The following EXOC6B variants were observed in gnomAD, a reference collection of about 807,000 sequenced individuals.
EXOC6B encodes the protein exocyst complex component 6B, also known as SEC15 homolog B.
In EXOC6B, 54 loss-of-function variants were observed where a neutral mutation model predicts 113.5. The observed-to-expected ratio is 0.48, with a 90% CI of 0.38 to 0.60. The LOEUF is 0.60. Among genes scored for constraint, EXOC6B ranks in the 20% least tolerant of loss-of-function variants. EXOC6B has a pLI of 0.00. For synonymous variants in EXOC6B, 357 were observed against 339.0 expected (o/e 1.05, Z -0.58); for missense variants, 797 against 977.5 (o/e 0.82, Z 2.46).
intron 18 of EXOC6B, chr2:72,461,940 T>C (rs1697711855): frequency 6.6e-6 from 1 of 152,100 alleles, no homozygotes; most frequent in Non-Finnish European, 1.5e-5. Flanking sequence ...AGTTACAAAT[T>C]ATGTTCATGT....
rs1324140634 is a variant in EXOC6B, at chr2:72,179,094, AAC to A, written c.*239_*240del. The A allele has an allele frequency of 6.6e-6, 3 of 453,362 alleles. No individual in the cohort carries two copies. The highest frequency in any genetic ancestry group is 3.9e-5 in the Admixed American group (1 of 25,412). 28.1% of individuals were successfully genotyped at this position (453,362 alleles called of 1,614,324 possible). A position where few individuals can be genotyped will look rare whatever the true frequency, so the allele number is the denominator to read the frequency against. ...TTGATGATACCACCATCTCTAAGATAACACAGATAGTGTAGTAATAACTTCCC... is the reference window on the plus strand; with the variant it reads ...TTGATGATACCACCATCTCTAAGATAACAGATAGTGTAGTAATAACTTCCC... On this transcript the variant is annotated 3_prime_UTR_variant, in exon 22 of 22. Coordinates refer to ENST00000272427, the MANE Select transcript of EXOC6B (RefSeq NM_015189.3).
intron 6 of EXOC6B, among the ~76,000 whole-genome samples, chr2:72,679,261 T>C (rs1470342067): frequency 6.6e-6 from 1 of 151,994 alleles, no homozygotes; most frequent in East Asian, 1.9e-4. Context: ...AAAGACAGGG[T>C]TTCACCATGT....
At chr2:72,212,275 C>A (rs545522417) in intron 20 of EXOC6B, among the ~76,000 whole-genome samples, 5 of 152,274 alleles carry the variant, frequency 3.3e-5, no homozygotes, top group Non-Finnish European at 7.3e-5. Context: ...TGATTCAGCT[C>A]TTAATTCACT....
chr2:72,593,296 AGGAG>A (rs1282028231), intron 6 of EXOC6B, among the ~76,000 whole-genome samples: 3 of 152,112 alleles, frequency 2.0e-5, no homozygotes, highest in Non-Finnish European at 4.4e-5. Flanking sequence ...ATAAAACCTG[AGGAG>A]GGAGTCATCA....
chr2:72,362,888 G>A (rs1199143946), intron 19 of EXOC6B, among the ~76,000 whole-genome samples: 1 of 152,100 alleles, frequency 6.6e-6, no homozygotes, highest in Non-Finnish European at 1.5e-5. Flanking sequence ...CTGAATTAAT[G>A]CTGGTAACAA....
intron 5 of EXOC6B, among the ~76,000 whole-genome samples, chr2:72,727,949 T>C (rs1394430014): frequency 6.6e-6 from 1 of 152,042 alleles, no homozygotes; most frequent in African/African-American, 2.4e-5. Context: ...AGGAAGTAGA[T>C]GAGAGAAAAC....
intron 20 of EXOC6B, among the ~76,000 whole-genome samples, chr2:72,276,795 A>G (rs1008431403): frequency 6.6e-6 from 1 of 152,174 alleles, no homozygotes; most frequent in African/African-American, 2.4e-5. Flanking sequence ...ATCCAATAAC[A>G]TATTTTATTC....
intron 18 of EXOC6B, among the ~76,000 whole-genome samples, chr2:72,447,009 C>T (rs1228852811): frequency 8.6e-5 from 13 of 151,732 alleles, no homozygotes; most frequent in African/African-American, 3.1e-4. Flanking sequence ...GAGGCTGAGG[C>T]AGGAGAATCG....
At chr2:72,672,796 G>T (rs1204490420) in intron 6 of EXOC6B, among the ~76,000 whole-genome samples, 1 of 152,148 alleles carries the variant, frequency 6.6e-6, no homozygotes, top group Non-Finnish European at 1.5e-5. Flanking sequence ...GGTTACCAGA[G>T]GCTGGGATAG....
intron 2 of EXOC6B, among the ~76,000 whole-genome samples, chr2:72,738,462 A>C (rs975256519): frequency 6.6e-6 from 1 of 152,196 alleles, no homozygotes; most frequent in African/African-American, 2.4e-5. Flanking sequence ...ATGGATTTCA[A>C]CTTATCATTT....
intron 19 of EXOC6B, among the ~76,000 whole-genome samples, chr2:72,347,379 GTGTT>G (rs1689400217): frequency 6.6e-6 from 1 of 152,070 alleles, no homozygotes; most frequent in African/African-American, 2.4e-5. Flanking sequence ...TTTTATCCAT[GTGTT>G]TGTTTGGCAC....
intron 6 of EXOC6B, among the ~76,000 whole-genome samples, chr2:72,692,898 T>C (rs764601795): frequency 6.6e-6 from 1 of 152,224 alleles, no homozygotes; most frequent in Non-Finnish European, 1.5e-5. Flanking sequence ...ACTAATATCC[T>C]CTGGGCAAGT....
At chr2:72,821,815 C>T (rs1358113705) in intron 1 of EXOC6B, among the ~76,000 whole-genome samples, 1 of 152,018 alleles carries the variant, frequency 6.6e-6, no homozygotes, top group Non-Finnish European at 1.5e-5. Context: ...AATGGAGAGA[C>T]CACTAATGGG....
At chr2:72,639,032 G>A (rs1369903043) in intron 6 of EXOC6B, among the ~76,000 whole-genome samples, 1 of 152,166 alleles carries the variant, frequency 6.6e-6, no homozygotes, top group East Asian at 1.9e-4. Flanking sequence ...AGCTTGAGTA[G>A]GGCAGCCCCT....
chr2:72,713,589 C>T (rs1041325735), intron 6 of EXOC6B, among the ~76,000 whole-genome samples: 2 of 151,890 alleles, frequency 1.3e-5, no homozygotes, highest in Non-Finnish European at 2.9e-5. Flanking sequence ...CCCGTCCCCC[C>T]ACCCCACAAC....
chr2:72,226,111 G>T (rs1681221781), intron 20 of EXOC6B, among the ~76,000 whole-genome samples: 1 of 152,030 alleles, frequency 6.6e-6, no homozygotes, highest in African/African-American at 2.4e-5. Context: ...CCATTTGCTG[G>T]AAAAAGAGGG....
At chr2:72,473,142 G>C (rs1488079499) in intron 17 of EXOC6B, among the ~76,000 whole-genome samples, 2 of 152,114 alleles carry the variant, frequency 1.3e-5, no homozygotes, top group African/African-American at 4.8e-5. Flanking sequence ...TGAGAAGAAT[G>C]TGTATTCTGT....
At chr2:72,638,556 T>C (rs993119781) in intron 6 of EXOC6B, among the ~76,000 whole-genome samples, 4 of 152,110 alleles carry the variant, frequency 2.6e-5, no homozygotes, top group African/African-American at 9.7e-5. Flanking sequence ...GGCTGCAGCA[T>C]ACCCGGACTC....
At chr2:72,584,368 T>C (rs1228852251) in intron 6 of EXOC6B, among the ~76,000 whole-genome samples, 1 of 152,174 alleles carries the variant, frequency 6.6e-6, no homozygotes, top group Non-Finnish European at 1.5e-5. Flanking sequence ...ACCATTCTTA[T>C]ATCTGATAAA....
Sources: allele counts gnomAD v4.1 joint callset (sites outside exome capture counted in the v4.1 genomes callset), GRCh38; gene constraint gnomAD v4.1.1; transcripts MANE v1.5; gene names NCBI Gene and HGNC (gene_info 2026-07-23, HGNC 2026-07-21).